The following ZNF462 variants were observed in gnomAD, a reference collection of about 807,000 sequenced individuals.
The protein encoded by ZNF462 is zinc finger PBX1-interacting protein.
A neutral mutation model predicts 201.9 loss-of-function variants in ZNF462; 10 were observed. The observed-to-expected ratio is 0.05, with a 90% CI of 0.03 to 0.08. The LOEUF is 0.08. ZNF462 is among the 10% of genes least tolerant of loss of function. The probability of loss-of-function intolerance (pLI) is 1.00; values close to 1 mark genes in which losing one functional copy is unlikely to be tolerated. For synonymous variants in ZNF462, 1,227 were observed against 1,193.3 expected, an observed-to-expected ratio of 1.03 and a Z score of -0.58; for missense variants, 2,523 against 3,168.3, an observed-to-expected ratio of 0.80 and a Z score of 4.89.
rs568366347 is a variant in ZNF462 at position 106,928,774 on chromosome 9, C to A, written c.4862C>A (p.Pro1621His). 2 of 1,614,134 alleles carry A rather than the reference C, an allele frequency of 1.2e-6. No individual in the cohort carries two copies. Among genetic ancestry groups the A allele is most frequent in the Admixed American group, 3.3e-5 (2 of 60,018 alleles). The change falls in exon 3 of 13, where the codon CCC becomes CAC. Residue 1621 changes from proline (P) to histidine (H), a missense_variant. Pro to His is a moderately conservative substitution (Grantham distance 77). Coordinates refer to ENST00000277225, the MANE Select transcript of ZNF462 (RefSeq NM_021224.6). The surrounding 1 kb of genome is among the most constrained non-coding windows in gnomAD (Gnocchi z 9.3). ...CCGAAGCTGCCAGTCCCCCTCGAGC[C>A]CGAGATGACCACTGAAGTGAGCCCT... ...SPPKLPVPLE[P>H]EMTTEVSPSQ... is the part of the protein sequence containing the mutation.
At chr9:106,921,932 G>C (rs1340226093) in intron 1 of ZNF462, among the ~76,000 whole-genome samples, 1 of 152,180 alleles carries the variant, frequency 6.6e-6, no homozygotes, top group African/African-American at 2.4e-5. Context: ...AAATTGCTGG[G>C]TGAAAGAAGA....
Position 106,925,399 on chromosome 9 carries a change from C to A in ZNF462, c.1487C>A (p.Thr496Lys), listed in dbSNP as rs75986156. Residue 496 changes from threonine to lysine, a missense_variant, in exon 3 of 13, where the codon ACG becomes AAG. By Grantham distance (78) the Thr-to-Lys change is moderately conservative. Around this residue, in one of 15 missense-constraint regions of ZNF462, gnomAD observed 383 missense variants for 453.4 expected, o/e 0.84. Coordinates refer to ENST00000277225, the MANE Select transcript of ZNF462 (RefSeq NM_021224.6). This position sits in a 1 kb window ranked among gnomAD's most constrained non-coding sequence, Gnocchi z 7.9. ...GAHKQCHTGTTSDWDAVNSQS... is the reference protein window; with the variant it reads ...GAHKQCHTGTKSDWDAVNSQS... ...CACAAACAGTGTCACACGGGTACAA[C>A]GTCAGATTGGGATGCTGTGAATTCC... The A allele has an allele frequency of 8.7e-6, 14 of 1,614,046 alleles. No homozygotes were observed. The East Asian group carries it at 2.9e-4, about 33-fold the overall frequency.
In ZNF462 at chr9:106,926,711, G is replaced by A. The variant is rs1025255211; in HGVS notation, c.2799G>A (p.Thr933=). Reference sequence around the variant, plus strand: ...ACCGGTGTCGGTTTTGTTCATACACGAGCCCGAATGTTAGAAGCCTGATGC... The same window carrying A: ...ACCGGTGTCGGTTTTGTTCATACACAAGCCCGAATGTTAGAAGCCTGATGC... ...LIYRCRFCSY[T]SPNVRSLMPH... is the part of the protein sequence containing the mutation. Residue 933 remains threonine, a synonymous_variant, in exon 3 of 13, where the codon ACG becomes ACA. Transcript: ENST00000277225. The surrounding 1 kb of genome is among the most constrained non-coding windows in gnomAD (Gnocchi z 7.9). 6 of 1,613,794 alleles carry A rather than the reference G, an allele frequency of 3.7e-6. No homozygotes were observed. Among genetic ancestry groups the A allele is most frequent in the Non-Finnish European group, 5.1e-6 (6 of 1,180,006 alleles).
intron 1 of ZNF462, among the ~76,000 whole-genome samples, chr9:106,887,167 A>C (rs1195977193): frequency 1.3e-5 from 2 of 152,146 alleles, no homozygotes; most frequent in African/African-American, 4.8e-5. Flanking sequence ...GTTTGAACGA[A>C]TGATAAGGTT....
At position 106,935,601 on chromosome 9, in the gene ZNF462, A is replaced by G. The variant is rs928667648; in HGVS notation, c.6215A>G (p.His2072Arg). ...TCCTATAACAGCCGGCTGAAAACAC[A>G]TATACTCAAAGCTCATGCTGGTGAG... is the stretch of plus-strand genomic sequence containing the variant. Reference protein sequence around the residue: ...KSSYNSRLKTHILKAHAGEHA... With the variant: ...KSSYNSRLKTRILKAHAGEHA... The change falls in exon 6 of 13, where the codon CAT becomes CGT. Residue 2072 changes from histidine (H) to arginine (R), a missense_variant. By Grantham distance (29) the His-to-Arg change is conservative. Transcript: ENST00000277225. This position sits in a 1 kb window ranked among gnomAD's most constrained non-coding sequence, Gnocchi z 4.1. 6.2e-7 allele frequency: 1 copy of G among 1,613,786 alleles called. No individual in the cohort carries two copies. The highest frequency in any genetic ancestry group is 8.5e-7 in the Non-Finnish European group (1 of 1,179,878).
Position 106,926,809 on chromosome 9 carries a change from A to G in ZNF462, c.2897A>G (p.Gln966Arg). The G allele has an allele frequency of 1.2e-6, 2 of 1,614,230 alleles. No homozygotes were observed. The highest frequency in any genetic ancestry group is 1.7e-6 in the Non-Finnish European group (2 of 1,180,042). ...ATATTTTCAAGCTATGTCGTGGAGC[A>G]GCAGGAAGGGCTGAATACAGAATCC... ...AMIFSSYVVE[Q>R]QEGLNTESQT... Residue 966 changes from glutamine (Q) to arginine (R), a missense_variant, in exon 3 of 13, where the codon CAG becomes CGG. By Grantham distance (43) the Gln-to-Arg change is conservative. Transcript: ENST00000277225. This position sits in a 1 kb window ranked among gnomAD's most constrained non-coding sequence, Gnocchi z 7.9.
chr9:106,917,848 ATATTTATTTATTTATTTATTTATT>A lies in ZNF462; in HGVS notation c.-30-5484_-30-5461del, dbSNP rs57577781. On this transcript the variant is annotated intron_variant, in intron 1 of 12. Coordinates refer to ENST00000277225, the MANE Select transcript of ZNF462 (RefSeq NM_021224.6). The surrounding 1 kb of genome is among the most constrained non-coding windows in gnomAD (Gnocchi z 4.5). ...TATTTTGCTGGTTTATTATTTTTTTATATTTATTTATTTATTTATTTATTTATTTATTTATTTATTTATTTTGTG... is the reference window on the plus strand; with the variant it reads ...TATTTTGCTGGTTTATTATTTTTTTATATTTATTTATTTATTTATTTTGTG... Among the ~76,000 whole-genome samples the A allele has an allele frequency of 6.9e-6, 1 of 145,666 alleles. No homozygotes were observed. Among genetic ancestry groups the A allele is most frequent in the African/African-American group, 2.5e-5 (1 of 39,388 alleles).
At position 106,972,091 on chromosome 9, in the gene ZNF462, A is replaced by G; in HGVS notation, c.6514A>G (p.Ser2172Gly). The change falls in exon 8 of 13, where the codon AGC becomes GGC. Residue 2172 changes from serine (S) to glycine (G), a missense_variant. Physicochemically the swap from Ser to Gly is moderately conservative, Grantham distance 56 (BLOSUM62 0). This residue lies in a region of ZNF462 where 138 missense variants were observed against 146.3 expected (regional missense o/e 0.94). Coordinates refer to ENST00000277225, the MANE Select transcript of ZNF462 (RefSeq NM_021224.6). This position sits in a 1 kb window ranked among gnomAD's most constrained non-coding sequence, Gnocchi z 4.8. ...CCTGGCAAGGAACAACAGCCGTGTTAGCCCTGTGCCTCTTTCTGGGGCTGC... is the reference window on the plus strand; with the variant it reads ...CCTGGCAAGGAACAACAGCCGTGTTGGCCCTGTGCCTCTTTCTGGGGCTGC... ...AALARNNSRV[S>G]PVPLSGAAAG... 1 of 1,614,228 alleles carries G rather than the reference A, an allele frequency of 6.2e-7. No individual in the cohort carries two copies. The highest frequency in any genetic ancestry group is 8.5e-7 in the Non-Finnish European group (1 of 1,180,032).
rs2132022062 is a variant in ZNF462 at position 106,970,587 on chromosome 9, C to G, written c.6428-1418C>G. On this transcript the variant is annotated intron_variant, in intron 7 of 12. Transcript: ENST00000277225. The surrounding 1 kb of genome is among the most constrained non-coding windows in gnomAD (Gnocchi z 4.2). Reference sequence around the variant, plus strand: ...TGTACAGTTTCTATCCCCTTTCCCCCCTGCTTTTTGAAAGGCTTAAGAAAA... The same window carrying G: ...TGTACAGTTTCTATCCCCTTTCCCCGCTGCTTTTTGAAAGGCTTAAGAAAA... 6.6e-6 allele frequency among the ~76,000 whole-genome samples: 1 copy of G among 152,292 alleles called. No individual in the cohort carries two copies. The highest frequency in any genetic ancestry group is 1.9e-4 in the East Asian group (1 of 5,180).
In ZNF462 at chr9:106,974,637, T is replaced by G. The variant is rs1158624636; in HGVS notation, c.6832+364T>G. 3.0e-6 allele frequency: 1 copy of G among 338,398 alleles called. No homozygotes were observed. The highest frequency in any genetic ancestry group is 5.7e-6 in the Non-Finnish European group (1 of 174,458). The allele number at this position is 338,398 out of a possible 1,614,324, so 21.0% of individuals were successfully genotyped here. Reference sequence around the variant, plus strand: ...GGTGGGTGAAAGCAAATGTGAAATGTGGAGAGCTCTATGGCTGTGAGAGAT... The same window carrying G: ...GGTGGGTGAAAGCAAATGTGAAATGGGGAGAGCTCTATGGCTGTGAGAGAT... On this transcript the variant is annotated intron_variant, in intron 9 of 12. Transcript: ENST00000277225. This position sits in a 1 kb window ranked among gnomAD's most constrained non-coding sequence, Gnocchi z 4.0.
chr9:106,862,725 G>GT (rs902548140), upstream of ZNF462, among the ~76,000 whole-genome samples: 72 of 152,226 alleles, frequency 4.7e-4, no homozygotes, highest in African/African-American at 1.7e-3. This position sits in a 1 kb window ranked among gnomAD's most constrained non-coding sequence, Gnocchi z 4.2. Context: ...CAGCAGGGGG[G>GT]AGGGGGAACA....
rs539918374 is a variant in ZNF462, at chr9:106,929,435, C to G, written c.5523C>G (p.Ile1841Met). 7 of 1,614,052 alleles carry G rather than the reference C, an allele frequency of 4.3e-6. No individual in the cohort carries two copies. The highest frequency in any genetic ancestry group is 5.9e-6 in the Non-Finnish European group (7 of 1,180,034). The change falls in exon 3 of 13, where the codon ATC (isoleucine) becomes ATG (methionine). Residue 1841 changes from isoleucine to methionine, a missense_variant. By Grantham distance (10) the Ile-to-Met change is conservative. Transcript: ENST00000277225. The surrounding 1 kb of genome is among the most constrained non-coding windows in gnomAD (Gnocchi z 8.7). ...AGGTGGAGGGTGAAGCTCAGGAAAT[C>G]GAGTGGCTCCCATTCCGCTGCATCA... Reference protein sequence around the residue: ...KAEVEGEAQEIEWLPFRCIKC... With the variant: ...KAEVEGEAQEMEWLPFRCIKC...
In ZNF462 at chr9:107,008,373, G is replaced by T. The variant is rs1829710408; in HGVS notation, c.7190-1172G>T. 1.3e-5 allele frequency among the ~76,000 whole-genome samples: 2 copies of T among 152,156 alleles called. No homozygotes were observed. Among genetic ancestry groups the T allele is most frequent in the Admixed American group, 6.5e-5 (1 of 15,270 alleles). On this transcript the variant is annotated intron_variant, in intron 11 of 12. Transcript: ENST00000277225. The surrounding 1 kb of genome is among the most constrained non-coding windows in gnomAD (Gnocchi z 4.8). Reference sequence around the variant, plus strand: ...TCTGGCCCCAGTCACATAGCTGTTTGTGCTGAAGATTAAGGCATCACAGAG... The same window carrying T: ...TCTGGCCCCAGTCACATAGCTGTTTTTGCTGAAGATTAAGGCATCACAGAG...
Position 107,003,297 on chromosome 9 carries a change from A to C in ZNF462, c.7060A>C (p.Ser2354Arg). 5.0e-6 allele frequency: 8 copies of C among 1,613,394 alleles called. No individual in the cohort carries two copies. Among genetic ancestry groups the C allele is most frequent in the Non-Finnish European group, 6.8e-6 (8 of 1,179,650 alleles). The change falls in exon 11 of 13, where the codon AGC (serine) becomes CGC (arginine). Residue 2354 changes from serine (S) to arginine (R), a missense_variant. Coordinates refer to ENST00000277225, the MANE Select transcript of ZNF462 (RefSeq NM_021224.6). The surrounding 1 kb of genome is among the most constrained non-coding windows in gnomAD (Gnocchi z 4.4). ...CATTTGTTTGGGCCTTTTTCAGGTA[A>C]GCCGTAACTTTGAGCTGGTTGGACG... ...DSHLRDEHKV[S>R]RNFELVGRVN...
intron 1 of ZNF462, among the ~76,000 whole-genome samples, chr9:106,884,816 G>C (rs865925810): frequency 1.9e-4 from 29 of 152,248 alleles, no homozygotes; most frequent in African/African-American, 6.7e-4. Flanking sequence ...TGCCTGGCCT[G>C]GTTTGAAGCT....
chr9:106,863,049 GAGGAGAGGAGAGAGA>G (rs1288147366), upstream of ZNF462: 3 of 395,228 alleles, frequency 7.6e-6, no homozygotes, highest in African/African-American at 4.2e-5. Flanking sequence ...GAGGGAGAGG[GAGGAGAGGAGAGAGA>G]AGAGGAGAGA....
At chr9:106,884,920 T>G (rs1251305392) in intron 1 of ZNF462, among the ~76,000 whole-genome samples, 1 of 152,224 alleles carries the variant, frequency 6.6e-6, no homozygotes, top group African/African-American at 2.4e-5. Flanking sequence ...TCTAATAGTA[T>G]GCCTGATGTG....
In ZNF462 at chr9:106,886,337, G is replaced by C. The variant is rs888685449; in HGVS notation, c.-31+22982G>C. 2.6e-5 allele frequency among the ~76,000 whole-genome samples: 4 copies of C among 152,184 alleles called. No homozygotes were observed. The highest frequency in any genetic ancestry group is 5.9e-5 in the Non-Finnish European group (4 of 68,040). ...TAAAGTTTGAAGTGTCTTTCTGTTAGCTGTGTGAATGTGCTGCCTATTTCG... is the reference window on the plus strand; with the variant it reads ...TAAAGTTTGAAGTGTCTTTCTGTTACCTGTGTGAATGTGCTGCCTATTTCG... On this transcript the variant is annotated intron_variant, in intron 1 of 12. Coordinates refer to ENST00000277225, the MANE Select transcript of ZNF462 (RefSeq NM_021224.6). The surrounding 1 kb of genome is among the most constrained non-coding windows in gnomAD (Gnocchi z 4.6).
intron 5 of ZNF462, among the ~76,000 whole-genome samples, chr9:106,934,877 G>T (rs758862405): frequency 1.7e-4 from 26 of 152,156 alleles, no homozygotes; most frequent in Non-Finnish European, 3.4e-4. Context: ...AAACATGGTT[G>T]TGTGTATCAG....
Sources: gnomAD v4.1 joint callset for allele counts (sites outside exome capture counted in the v4.1 genomes callset) on GRCh38, gnomAD v4.1.1 for gene constraint, gnomAD v4.1.1 regional missense constraint, Gnocchi (gnomAD v3.1) non-coding constraint, MANE v1.5 for transcripts, NCBI Gene and HGNC (gene_info 2026-07-23, HGNC 2026-07-21) for gene names.